Variants in NOS1AP observed in about 807,000 individuals in gnomAD.
The protein encoded by NOS1AP is nitric oxide synthase 1 adaptor protein, also known as carboxyl-terminal PDZ ligand of neuronal nitric oxide synthase protein.
In NOS1AP, 21 loss-of-function variants were observed where a neutral mutation model predicts 56.2. The observed-to-expected ratio is 0.37, with a 90% confidence interval of 0.26 to 0.54. The LOEUF (loss-of-function observed/expected upper bound fraction) is 0.54, where lower values mean the gene tolerates loss of function less well. Ranked by LOEUF, NOS1AP falls within the 20% of genes least tolerant of loss-of-function variation. The pLI is 0.84. For synonymous variants in NOS1AP, 270 were observed against 274.6 expected (o/e 0.98, Z 0.17); for missense variants, 522 against 657.8 (o/e 0.79, Z 2.26).
At chr1:162,244,972 G>A (rs6427665) in intron 2 of NOS1AP, among the ~76,000 whole-genome samples, 48,057 of 151,982 alleles carry the variant, frequency 0.32, 7,909 homozygotes, top group East Asian at 0.52. Flanking sequence ...TATATAGGGT[G>A]ATGGGAGCTT....
Position 162,154,874 on chromosome 1 carries a change from G to A in NOS1AP, c.177+398G>A, listed in dbSNP as rs936920440. ...TCACCGTGTTGCCCAGGCTGGTCTC[G>A]AACTGCAGAACTCAGGCAATCCACC... On this transcript the variant is annotated intron_variant, in intron 2 of 9. Coordinates refer to ENST00000361897, the MANE Select transcript of NOS1AP (RefSeq NM_014697.3). Among the ~76,000 whole-genome samples, 9 of 152,162 alleles carry A rather than the reference G, an allele frequency of 5.9e-5. No homozygotes were observed. In the South Asian group the frequency reaches 6.2e-4, roughly 11 times the overall value.
chr1:162,287,561 T>G (rs1370030462), intron 3 of NOS1AP, 125 bp downstream of exon 3: 14 of 757,482 alleles, frequency 1.8e-5, no homozygotes, highest in Non-Finnish European at 2.6e-5. Flanking sequence ...CTCTTCTGCT[T>G]TGAGCAGCAA....
chr1:162,114,871 G>A (rs1186091556), intron 1 of NOS1AP, among the ~76,000 whole-genome samples: 5 of 152,198 alleles, frequency 3.3e-5, no homozygotes, highest in African/African-American at 1.2e-4. Context: ...GTTGTTGTAG[G>A]GGTGGGATGG....
rs199522960 is a variant in NOS1AP, at chr1:162,300,000, T to TCC, written c.271-628_271-627dup. 7.7e-3 allele frequency among the ~76,000 whole-genome samples: 1,167 copies of TCC among 152,126 alleles called. 18 individuals carry two copies. Among genetic ancestry groups the TCC allele is most frequent in the African/African-American group, 0.026 (1,093 of 41,512 alleles). On this transcript the variant is annotated intron_variant, in intron 3 of 9. Coordinates refer to ENST00000361897, the MANE Select transcript of NOS1AP (RefSeq NM_014697.3). ...AATCCACTGTATACCCCTTGCGCTTTCCCCCCTCTTGAGTCCTTCTTTCAT... is the reference window on the plus strand; with the variant it reads ...AATCCACTGTATACCCCTTGCGCTTTCCCCCCCCTCTTGAGTCCTTCTTTCAT...
At chr1:162,099,381 G>A (rs1362056888) in intron 1 of NOS1AP, among the ~76,000 whole-genome samples, 1 of 151,930 alleles carries the variant, frequency 6.6e-6, no homozygotes, top group Non-Finnish European at 1.5e-5. Flanking sequence ...TAGTAGAGAT[G>A]GGGTTTCACC....
chr1:162,165,401 A>G (rs912997335), intron 2 of NOS1AP, among the ~76,000 whole-genome samples: 1 of 152,218 alleles, frequency 6.6e-6, no homozygotes, highest in Non-Finnish European at 1.5e-5. Flanking sequence ...AGACTGCACT[A>G]TGTGCTGTTA....
At chr1:162,072,265 C>A (rs1691676616) in intron 1 of NOS1AP, among the ~76,000 whole-genome samples, 1 of 152,140 alleles carries the variant, frequency 6.6e-6, no homozygotes, top group Non-Finnish European at 1.5e-5. Context: ...CTTGGGGGAG[C>A]CCAGGACTAT....
intron 1 of NOS1AP, among the ~76,000 whole-genome samples, chr1:162,151,998 G>A (rs1443036308): frequency 2.6e-5 from 4 of 152,146 alleles, no homozygotes; most frequent in African/African-American, 9.7e-5. Context: ...CTTAATGTGA[G>A]CCCCTTGTTA....
intron 1 of NOS1AP, among the ~76,000 whole-genome samples, chr1:162,137,724 T>A (rs1306510770): frequency 6.6e-6 from 1 of 152,052 alleles, no homozygotes; most frequent in Non-Finnish European, 1.5e-5. Flanking sequence ...GCTCAGGGTC[T>A]CCCTTGAGCC....
At chr1:162,280,925 A>G (rs532579507) in intron 2 of NOS1AP, among the ~76,000 whole-genome samples, 1 of 152,296 alleles carries the variant, frequency 6.6e-6, no homozygotes, top group Admixed American at 6.5e-5. Context: ...TCAACAATAC[A>G]AGACACATCA....
intron 1 of NOS1AP, among the ~76,000 whole-genome samples, chr1:162,071,508 T>TC (rs1008110514): frequency 5.3e-5 from 8 of 152,130 alleles, no homozygotes; most frequent in Admixed American, 5.2e-4. Flanking sequence ...CACCTTTTTT[T>TC]CCCCCTGAAT....
At chr1:162,313,649 G>T (rs1345662643) in intron 4 of NOS1AP, among the ~76,000 whole-genome samples, 2 of 152,194 alleles carry the variant, frequency 1.3e-5, no homozygotes, top group African/African-American at 4.8e-5. Context: ...TTGGGGATCT[G>T]AGTGTAATGG....
chr1:162,251,865 T>TTG (rs1653868761), intron 2 of NOS1AP, among the ~76,000 whole-genome samples: 1 of 100,876 alleles, frequency 9.9e-6, no homozygotes, highest in Non-Finnish European at 2.1e-5. Flanking sequence ...TTGTTTTTTT[T>TTG]TTTGTTTTTT....
intron 2 of NOS1AP, among the ~76,000 whole-genome samples, chr1:162,285,823 G>A (rs750144835): frequency 6.6e-6 from 1 of 152,154 alleles, no homozygotes; most frequent in African/African-American, 2.4e-5. Flanking sequence ...AGGTGGGGAA[G>A]TGACCACCAG....
At chr1:162,336,620 C>T (rs1002306904) in intron 5 of NOS1AP, among the ~76,000 whole-genome samples, 8 of 152,194 alleles carry the variant, frequency 5.3e-5, no homozygotes, top group African/African-American at 7.2e-5. Flanking sequence ...GGAAGTAAAT[C>T]ACCCTTGGTC....
chr1:162,122,595 C>A (rs979241613), intron 1 of NOS1AP, among the ~76,000 whole-genome samples: 5 of 151,388 alleles, frequency 3.3e-5, no homozygotes, highest in African/African-American at 1.2e-4. Context: ...GCAACCTCCA[C>A]CTCCCAGGCT....
At chr1:162,234,456 G>A (rs1482410425) in intron 2 of NOS1AP, among the ~76,000 whole-genome samples, 7 of 145,168 alleles carry the variant, frequency 4.8e-5, no homozygotes, top group South Asian at 4.3e-4. Flanking sequence ...TTTTCTCTTG[G>A]ATGTCTCTTT....
chr1:162,211,061 G>A (rs10918883), intron 2 of NOS1AP, among the ~76,000 whole-genome samples: 125,791 of 152,178 alleles, frequency 0.83, 52,343 homozygotes, highest in East Asian at 0.88. Flanking sequence ...TTCTACCCAG[G>A]CAGATCTTCA....
intron 2 of NOS1AP, among the ~76,000 whole-genome samples, chr1:162,246,399 CT>C (rs1458209843): frequency 1.3e-5 from 2 of 152,140 alleles, no homozygotes; most frequent in Non-Finnish European, 2.9e-5. Context: ...AGGCTAGATC[CT>C]TAATGAAGAG....
Sources: allele counts gnomAD v4.1 joint callset (sites outside exome capture counted in the v4.1 genomes callset), GRCh38; gene constraint gnomAD v4.1.1; transcripts MANE v1.5; gene names NCBI Gene and HGNC (gene_info 2026-07-23, HGNC 2026-07-21).